Variants in FASN observed in about 807,000 individuals in gnomAD.
FASN encodes the protein 3-hydroxyacyl-[acyl-carrier-protein] dehydratase.
FASN carries 50 observed loss-of-function variants against 250.0 expected under a neutral mutation model. The ratio of observed to expected loss-of-function variants is 0.20; its 90% CI spans 0.16 to 0.25. The LOEUF (loss-of-function observed/expected upper bound fraction) is 0.25. Among genes scored for constraint, FASN ranks in the 10% least tolerant of loss-of-function variants. The pLI is 1.00. For synonymous variants in FASN, 1,909 were observed against 1,584.0 expected, an observed-to-expected ratio of 1.21 and a Z score of -4.87; for missense variants, 3,031 against 3,498.5, an observed-to-expected ratio of 0.87 and a Z score of 3.37.
At position 82,091,330 on chromosome 17, in the gene FASN, C is replaced by G. The variant is rs141275719; in HGVS notation, c.1384G>C (p.Ala462Pro). ...SMLNDIAAVP[A>P]TAMPFRGYAV... ...TAGCCACGGAAGGGCATGGCGGTGG[C>G]GGGGACAGCCGCGATGTCGTTCAGC... is the stretch of plus-strand genomic sequence containing the variant. The change falls in exon 9 of 43, where the codon GCC becomes CCC. Residue 462 changes from alanine (A) to proline (P), a missense_variant. Coordinates refer to ENST00000306749, the MANE Select transcript of FASN (RefSeq NM_004104.5). 5.6e-6 allele frequency: 9 copies of G among 1,609,460 alleles called. No homozygotes were observed. Among genetic ancestry groups the G allele is most frequent in the African/African-American group, 1.3e-5 (1 of 75,022 alleles).
intron 3 of FASN, chr17:82,094,108 G>T (rs940338967): frequency 2.3e-5 from 10 of 429,290 alleles, no homozygotes; most frequent in Admixed American, 7.1e-5. Flanking sequence ...ATTGTCCCCA[G>T]GCGACGCCTT....
At chr17:82,091,799 C>T (rs927789294) in intron 8 of FASN, 115 bp from the exon 9 acceptor site, 48 of 939,856 alleles carry the variant, frequency 5.1e-5, no homozygotes, top group African/African-American at 2.5e-4. Flanking sequence ...GGGCCCTCTC[C>T]GATGCACTTC....
At chr17:82,086,182 C>T (rs2034094071) in intron 22 of FASN, 72 bp downstream of exon 22, 11 of 1,533,322 alleles carry the variant, frequency 7.2e-6, no homozygotes, top group East Asian at 4.9e-5. Context: ...TCTGTGCTGT[C>T]TCCTGCAACT....
At position 82,079,456 on chromosome 17, in the gene FASN, G is replaced by A. The variant is rs1140621; in HGVS notation, c.7299C>T (p.Tyr2433=). 8 of 1,612,888 alleles carry A rather than the reference G, an allele frequency of 5.0e-6. No homozygotes were observed. Among genetic ancestry groups the A allele is most frequent in the Middle Eastern group, 1.6e-4 (1 of 6,084 alleles). ...TGCCATGGTACTTGGCCTTGGGTGT[G>A]TACTGCTCAGCGGCACGCAGCTTGT... ...FYYKLRAAEQ[Y]TPKAKYHGNV... Residue 2433 remains tyrosine (Y), a synonymous_variant, in exon 42 of 43, where the codon TAC becomes TAT. Coordinates refer to ENST00000306749, the MANE Select transcript of FASN (RefSeq NM_004104.5).
Position 82,080,972 on chromosome 17 carries a change from C to A in FASN, c.6596-50G>T, listed in dbSNP as rs766528247. 1.4e-5 allele frequency: 21 copies of A among 1,526,280 alleles called. No homozygotes were observed. The Admixed American group carries it at 4.0e-4, about 29-fold the overall frequency. The allele number at this position is 1,526,280 out of a possible 1,614,324, so 94.5% of individuals were successfully genotyped here. A position where few individuals can be genotyped will look rare whatever the true frequency, so the allele number is the denominator to read the frequency against. ...GGCTGGTCTGGGTGCAGAGCCCTGG[C>A]ACCCACGCAAGGACACACAGACACG... On this transcript the variant is annotated intron_variant, in intron 38 of 42. Transcript: ENST00000306749.
rs767153681 is a variant in FASN at position 82,086,447 on chromosome 17, C to T, written c.3539G>A (p.Arg1180Gln). 31 of 1,612,070 alleles carry T rather than the reference C, an allele frequency of 1.9e-5. No homozygotes were observed. In the Admixed American group the frequency reaches 2.2e-4, roughly 11 times the overall value. Residue 1180 changes from arginine (R) to glutamine (Q), a missense_variant, in exon 22 of 43, where the codon CGG becomes CAG. Transcript: ENST00000306749. ...AAGCCTGCAGGCAGCCGACAACAGC[C>T]GGGGCAGTTCCTGCTGTGAGGGGTC... is the stretch of plus-strand genomic sequence containing the variant. Reference protein sequence around the residue: ...PRDPSQQELPRLLSAACRLQL... With the variant: ...PRDPSQQELPQLLSAACRLQL...
rs772755268 is a variant in FASN at position 82,089,080 on chromosome 17, G to A, written c.2193C>T (p.Ser731=). Reference sequence around the variant, plus strand: ...CCAGGTTGTTGACATTGTACTCGGCGGAGGACGTGCGTGCCAGGCTGCTGT... The same window carrying A: ...CCAGGTTGTTGACATTGTACTCGGCAGAGGACGTGCGTGCCAGGCTGCTGT... ...QWHSSLARTS[S]AEYNVNNLVS... is the part of the protein sequence containing the mutation. Residue 731 remains serine (S), a synonymous_variant, in exon 14 of 43, where the codon TCC becomes TCT. Transcript: ENST00000306749. 33 of 1,582,518 alleles carry A rather than the reference G, an allele frequency of 2.1e-5. No homozygotes were observed. Among genetic ancestry groups the A allele is most frequent in the Admixed American group, 9.0e-5 (5 of 55,642 alleles).
intron 21 of FASN, 56 bp from the exon 22 acceptor site, chr17:82,086,614 G>A: frequency 7.3e-7 from 1 of 1,368,214 alleles, no homozygotes; most frequent in Non-Finnish European, 1.0e-6. Flanking sequence ...CATCTGCCTG[G>A]CATGGGCTCT....
chr17:82,085,614 G>T lies in FASN; in HGVS notation c.3990C>A (p.Ser1330Arg). 2 of 1,599,538 alleles carry T rather than the reference G, an allele frequency of 1.3e-6. No homozygotes were observed. The highest frequency in any genetic ancestry group is 1.7e-5 in the Admixed American group (1 of 58,354). Residue 1330 changes from serine (S) to arginine (R), a missense_variant, in exon 23 of 43, where the codon AGC (serine) becomes AGA (arginine). Physicochemically the swap from Ser to Arg is moderately radical, Grantham distance 110 (BLOSUM62 -1). Transcript: ENST00000306749. Reference sequence around the variant, plus strand: ...CTTCTCTCAGGGCAGCCACCATGTTGCTGAGAGCTGAGGCCGGGTCCCCGA... The same window carrying T: ...CTTCTCTCAGGGCAGCCACCATGTTTCTGAGAGCTGAGGCCGGGTCCCCGA... The part of the protein sequence containing the change: ...AALGDPASAL[S>R]NMVAALREGG...
intron 1 of FASN, chr17:82,097,169 GA>G: frequency 6.4e-6 from 1 of 156,750 alleles, no homozygotes; most frequent in Non-Finnish European, 1.4e-5. Context: ...CCAACCTGGA[GA>G]ACCACTCCTG....
Position 82,087,128 on chromosome 17 carries a change from A to T in FASN, c.3349T>A (p.Phe1117Ile). Residue 1117 changes from phenylalanine to isoleucine, a missense_variant, in exon 21 of 43, where the codon TTT becomes ATT. Phe to Ile is a conservative substitution (Grantham distance 21). Transcript: ENST00000306749. The stretch of plus-strand genomic sequence containing the variant: ...TCCTCCGTGTGGGGAGTGAAGCAAA[A>T]CTTCTCCAGGATGGGCACCTGCTGC... ...QEQQVPILEK[F>I]CFTPHTEEGC... is the part of the protein sequence containing the mutation. 1 of 1,611,850 alleles carries T rather than the reference A, an allele frequency of 6.2e-7. No individual in the cohort carries two copies. The highest frequency in any genetic ancestry group is 8.5e-7 in the Non-Finnish European group (1 of 1,179,760).
In FASN at chr17:82,083,805, C is replaced by T. The variant is rs201306482; in HGVS notation, c.5185G>A (p.Glu1729Lys). 20 of 1,609,990 alleles carry T rather than the reference C, an allele frequency of 1.2e-5. No individual in the cohort carries two copies. The highest frequency in any genetic ancestry group is 3.4e-5 in the Admixed American group (2 of 59,672). Residue 1729 changes from glutamate (E) to lysine (K), a missense_variant, in exon 30 of 43, where the codon GAG becomes AAG. By Grantham distance (56) the Glu-to-Lys change is moderately conservative (BLOSUM62 1). Coordinates refer to ENST00000306749, the MANE Select transcript of FASN (RefSeq NM_004104.5). The part of the protein sequence containing the change: ...SFANSRDTSF[E>K]QHVLWHTGGK... ...CCCGTGTGCCACAGCACATGCTGCT[C>T]GAAGGATGTGTCCCGGGAGTTGGCG...
intron 10 of FASN, 65 bp from the exon 11 acceptor site, chr17:82,090,629 C>A (rs376428656): frequency 1.4e-6 from 2 of 1,456,376 alleles, no homozygotes; most frequent in East Asian, 2.4e-5. Context: ...GGGCGGCCCC[C>A]GGCCCCACTA....
chr17:82,088,796 G>T lies in FASN; in HGVS notation c.2385C>A (p.Phe795Leu). 6.2e-7 allele frequency: 1 copy of T among 1,612,536 alleles called. No homozygotes were observed. Among genetic ancestry groups the T allele is most frequent in the Non-Finnish European group, 8.5e-7 (1 of 1,179,820 alleles). Residue 795 changes from phenylalanine to leucine, a missense_variant, in exon 15 of 43, where the codon TTC becomes TTA. Phe to Leu is a conservative substitution (Grantham distance 22). Coordinates refer to ENST00000306749, the MANE Select transcript of FASN (RefSeq NM_004104.5). ...GCAGCCTGCCGATGCCGGCCAGGAA[G>T]AACTCCAGGTTGTCCCTGTGATCCT... Reference protein sequence around the residue: ...MKKDHRDNLEFFLAGIGRLHL... With the variant: ...MKKDHRDNLELFLAGIGRLHL...
intron 1 of FASN, chr17:82,096,945 C>G (rs2034314986): frequency 4.1e-6 from 1 of 241,274 alleles, no homozygotes; most frequent in Non-Finnish European, 8.4e-6. Flanking sequence ...GAGGCAGGGT[C>G]CCAAAGCCGG....
At position 82,079,052 on chromosome 17, in the gene FASN, C is replaced by T; in HGVS notation, c.*91G>A. On this transcript the variant is annotated 3_prime_UTR_variant, in exon 43 of 43. Transcript: ENST00000306749. The stretch of plus-strand genomic sequence containing the variant: ...ACTGGGCCGGACAGGGTCCCACCGG[C>T]AGGACCCTTCAATCCCGTTGCATGG... 7.2e-7 allele frequency: 1 copy of T among 1,380,646 alleles called. No individual in the cohort carries two copies. The highest frequency in any genetic ancestry group is 1.6e-5 in the African/African-American group (1 of 63,670). 85.5% of individuals were successfully genotyped at this position (1,380,646 alleles called of 1,614,324 possible). A position where few individuals can be genotyped will look rare whatever the true frequency, so the allele number is the denominator to read the frequency against.
At chr17:82,079,731 G>A (rs2033954551) in intron 41 of FASN, 123 bp from the exon 42 acceptor site, 1 of 1,354,704 alleles carries the variant, frequency 7.4e-7, no homozygotes, top group East Asian at 2.5e-5. Flanking sequence ...AGGCTAGATG[G>A]AGTGGGGCGA....
In FASN at chr17:82,088,515, G is replaced by A. The variant is rs1568112669; in HGVS notation, c.2468C>T (p.Ala823Val). 1.2e-6 allele frequency: 2 copies of A among 1,608,222 alleles called. No individual in the cohort carries two copies. The highest frequency in any genetic ancestry group is 1.7e-5 in the Admixed American group (1 of 59,872). The change falls in exon 16 of 43, where the codon GCT (alanine) becomes GTT (valine). Residue 823 changes from alanine (A) to valine (V), a missense_variant. Physicochemically the swap from Ala to Val is moderately conservative, Grantham distance 64. Transcript: ENST00000306749. ...GGAGATGAGGGGAGTTCCTCGGGGA[G>A]CTGGGAACTCCACAGGTGGGAACAA... is the stretch of plus-strand genomic sequence containing the variant. ...NALFPPVEFP[A>V]PRGTPLISPL...
chr17:82,087,852 T>G lies in FASN; in HGVS notation c.2876A>C (p.Tyr959Ser). ...NGNLVVSGKV[Y>S]QWDDPDPRLF... ...CCTGGGGTCAGGGTCATCCCACTGG[T>G]ACACCTTCCCTGTGGAAAGGGAGGT... The change falls in exon 19 of 43, where the codon TAC (tyrosine) becomes TCC (serine). Residue 959 changes from tyrosine to serine, a missense_variant. By Grantham distance (144) the Tyr-to-Ser change is moderately radical. Transcript: ENST00000306749. 6.2e-7 allele frequency: 1 copy of G among 1,612,590 alleles called. No homozygotes were observed. Among genetic ancestry groups the G allele is most frequent in the Non-Finnish European group, 8.5e-7 (1 of 1,179,884 alleles).
Sources: allele counts gnomAD v4.1 joint callset, GRCh38; gene constraint gnomAD v4.1.1; transcripts MANE v1.5; gene names NCBI Gene and HGNC (gene_info 2026-07-23, HGNC 2026-07-21).